ST6GAL1: variants seen among roughly 807,000 people sequenced by gnomAD.
ST6GAL1 encodes the protein beta-galactoside alpha-2,6-sialyltransferase 1.
Under a neutral mutation model 38.0 loss-of-function variants are expected in ST6GAL1, and 20 were observed. The ratio of observed to expected loss-of-function variants is 0.53; its 90% CI spans 0.37 to 0.77. The LOEUF is 0.77. Ranked by LOEUF, ST6GAL1 falls within the 30% of genes least tolerant of loss-of-function variation. The pLI is 0.00. For synonymous variants in ST6GAL1, 196 were observed against 188.2 expected, an observed-to-expected ratio of 1.04 and a Z score of -0.34; for missense variants, 432 against 496.4, an observed-to-expected ratio of 0.87 and a Z score of 1.23.
At chr3:186,992,367 C>G (rs940645567) in intron 2 of ST6GAL1, among the ~76,000 whole-genome samples, 2 of 152,130 alleles carry the variant, frequency 1.3e-5, no homozygotes, top group Non-Finnish European at 2.9e-5. Flanking sequence ...TTTCCTGAGG[C>G]CTCCCAAGCC....
At chr3:187,011,441 C>T (rs1424538577) in intron 2 of ST6GAL1, among the ~76,000 whole-genome samples, 3 of 152,152 alleles carry the variant, frequency 2.0e-5, no homozygotes, top group Non-Finnish European at 4.4e-5. Flanking sequence ...AGATTTTTTA[C>T]TGAAGAAATC....
chr3:187,065,980 G>C (rs1719099347), intron 5 of ST6GAL1, among the ~76,000 whole-genome samples: 1 of 152,120 alleles, frequency 6.6e-6, no homozygotes, highest in African/African-American at 2.4e-5. Context: ...TTTGGTTCTA[G>C]GTGTTTGCCA....
chr3:186,949,181 A>G (rs1004168401), intron 1 of ST6GAL1, among the ~76,000 whole-genome samples: 3 of 152,198 alleles, frequency 2.0e-5, no homozygotes, highest in Non-Finnish European at 4.4e-5. Context: ...TGAGCCCTGG[A>G]GGAGAGTCAA....
intron 1 of ST6GAL1, 30 bp from the exon 2 acceptor site, chr3:186,963,755 G>T (rs1197923376): frequency 6.6e-6 from 1 of 152,264 alleles, no homozygotes; most frequent in Non-Finnish European, 1.5e-5. Context: ...GTGAAACTTT[G>T]CTTTGTTGTT....
chr3:186,981,065 T>TC (rs1715682644), intron 2 of ST6GAL1, among the ~76,000 whole-genome samples: 6 of 152,262 alleles, frequency 3.9e-5, no homozygotes, highest in Non-Finnish European at 5.9e-5. Context: ...AGAGCAGCTA[T>TC]GCAAAGCAAG....
At chr3:186,948,528 A>AGTGTGT (rs36234165) in intron 1 of ST6GAL1, among the ~76,000 whole-genome samples, 2,724 of 146,270 alleles carry the variant, frequency 0.019, 38 homozygotes, top group Non-Finnish European at 0.024. Context: ...CAGAAACTCT[A>AGTGTGT]GTGTGTGTGT....
chr3:187,007,393 T>G (rs1324684070), intron 2 of ST6GAL1, among the ~76,000 whole-genome samples: 2 of 152,126 alleles, frequency 1.3e-5, no homozygotes, highest in African/African-American at 2.4e-5. Flanking sequence ...ACTATGATAT[T>G]AACAACCACC....
intron 2 of ST6GAL1, among the ~76,000 whole-genome samples, chr3:186,988,496 T>G (rs952527481): frequency 4.0e-4 from 57 of 142,300 alleles, no homozygotes; most frequent in African/African-American, 1.4e-3. Flanking sequence ...TGCACCAATA[T>G]AAATGTAAAG....
intron 1 of ST6GAL1, among the ~76,000 whole-genome samples, chr3:186,942,793 C>T (rs184786041): frequency 6.6e-6 from 1 of 152,242 alleles, no homozygotes; most frequent in East Asian, 1.9e-4. Context: ...CTCCATTTTG[C>T]AAATAAGAAA....
In ST6GAL1 at chr3:187,072,909, G is replaced by C; in HGVS notation, c.766G>C (p.Val256Leu). The change falls in exon 6 of 8, where the codon GTA (valine) becomes CTA (leucine). Residue 256 changes from valine to leucine, a missense_variant. Val to Leu is a conservative substitution (Grantham distance 32). Coordinates refer to ENST00000169298, the MANE Select transcript of ST6GAL1 (RefSeq NM_173216.2). Reference sequence around the variant, plus strand: ...TTTGTACAATGAAGGAATCCTAATTGTATGGGACCCATCTGTATACCACTC... The same window carrying C: ...TTTGTACAATGAAGGAATCCTAATTCTATGGGACCCATCTGTATACCACTC... ...DSLYNEGILI[V>L]WDPSVYHSDI... 1 of 1,614,014 alleles carries C rather than the reference G, an allele frequency of 6.2e-7. No homozygotes were observed. Among genetic ancestry groups the C allele is most frequent in the Middle Eastern group, 1.6e-4 (1 of 6,062 alleles).
intron 2 of ST6GAL1, among the ~76,000 whole-genome samples, chr3:187,010,425 C>T (rs1185474546): frequency 1.3e-5 from 2 of 152,114 alleles, no homozygotes; most frequent in Admixed American, 6.6e-5. Flanking sequence ...TGGTTCCCAC[C>T]CGTTTAGGGA....
At chr3:187,038,472 C>G (rs1283407621) in intron 2 of ST6GAL1, 1 of 152,414 alleles carries the variant, frequency 6.6e-6, no homozygotes, top group African/African-American at 2.4e-5. Context: ...CCTCGGCCTC[C>G]CAAAGTGCTG....
chr3:186,930,933 C>G (rs1713720515), intron 1 of ST6GAL1, 99 bp downstream of exon 1: 1 of 153,226 alleles, frequency 6.5e-6, no homozygotes, highest in Non-Finnish European at 1.5e-5. Context: ...GCGGGGCCCG[C>G]GGCGCGCGTA....
At chr3:187,069,381 C>T (rs1719284204) in intron 5 of ST6GAL1, among the ~76,000 whole-genome samples, 1 of 152,144 alleles carries the variant, frequency 6.6e-6, no homozygotes, top group African/African-American at 2.4e-5. Flanking sequence ...GTGAGCCCAG[C>T]CCTCATCCTT....
chr3:186,983,622 G>T (rs910237838), intron 2 of ST6GAL1, among the ~76,000 whole-genome samples: 6 of 152,122 alleles, frequency 3.9e-5, no homozygotes, highest in Admixed American at 3.3e-4. Context: ...AGAGAGGAAG[G>T]GAGGGGATTA....
At chr3:186,948,469 C>T (rs1714454950) in intron 1 of ST6GAL1, among the ~76,000 whole-genome samples, 1 of 151,628 alleles carries the variant, frequency 6.6e-6, no homozygotes, top group South Asian at 2.1e-4. Context: ...CGGGAAGGAT[C>T]AGGATGGTTG....
chr3:187,050,584 G>C (rs944041202), intron 4 of ST6GAL1, among the ~76,000 whole-genome samples: 2 of 151,506 alleles, frequency 1.3e-5, no homozygotes, highest in Non-Finnish European at 2.9e-5. Flanking sequence ...GAAGGAGGGA[G>C]GGAAGGAAGG....
chr3:187,073,947 G>A, intron 6 of ST6GAL1: 1 of 404,016 alleles, frequency 2.5e-6, no homozygotes, highest in South Asian at 8.9e-5. Flanking sequence ...CTCCCCCAAA[G>A]CACAGGCTAT....
chr3:187,002,794 C>T (rs1716663882), intron 2 of ST6GAL1, among the ~76,000 whole-genome samples: 2 of 152,136 alleles, frequency 1.3e-5, no homozygotes, highest in Non-Finnish European at 1.5e-5. Context: ...ATTACCCTTA[C>T]CCAGAAAATT....
Sources: gnomAD v4.1 joint callset for allele counts (sites outside exome capture counted in the v4.1 genomes callset) on GRCh38, gnomAD v4.1.1 for gene constraint, MANE v1.5 for transcripts, NCBI Gene and HGNC (gene_info 2026-07-23, HGNC 2026-07-21) for gene names.